Variants in IMMP2L observed in about 807,000 individuals in gnomAD.
IMMP2L encodes the protein inner mitochondrial membrane peptidase subunit 2.
IMMP2L carries 18 observed loss-of-function variants against 19.3 expected under a neutral mutation model. The ratio of observed to expected loss-of-function variants is 0.93; its 90% CI spans 0.64 to 1.38. IMMP2L has a LOEUF of 1.38. Among genes scored for constraint, IMMP2L ranks in the 40% most tolerant of loss-of-function variants. The probability of loss-of-function intolerance (pLI) is 0.00; values close to 1 mark genes in which losing one functional copy is unlikely to be tolerated. For synonymous variants in IMMP2L, 76 were observed against 73.0 expected, an observed-to-expected ratio of 1.04 and a Z score of -0.21; for missense variants, 233 against 218.2, an observed-to-expected ratio of 1.07 and a Z score of -0.43.
chr7:111,349,287 C>G (rs1244089199), intron 3 of IMMP2L, among the ~76,000 whole-genome samples: 1 of 151,888 alleles, frequency 6.6e-6, no homozygotes, highest in Non-Finnish European at 1.5e-5. Context: ...TATGAAGGAG[C>G]ACCTATGTTG....
At chr7:111,468,870 TG>T (rs1840937755) in intron 3 of IMMP2L, among the ~76,000 whole-genome samples, 1 of 152,080 alleles carries the variant, frequency 6.6e-6, no homozygotes, top group East Asian at 1.9e-4. Context: ...AACTTTGACT[TG>T]TGACTAAATA....
chr7:110,987,750 G>A (rs1822009027), intron 3 of IMMP2L, among the ~76,000 whole-genome samples: 1 of 152,092 alleles, frequency 6.6e-6, no homozygotes, highest in South Asian at 2.1e-4. Context: ...TATCTTTTTG[G>A]CCTAAAACCT....
At chr7:110,715,402 T>C (rs113955970) in intron 5 of IMMP2L, among the ~76,000 whole-genome samples, 1 of 152,338 alleles carries the variant, frequency 6.6e-6, no homozygotes, top group African/African-American at 2.4e-5. Flanking sequence ...AGGTAGGCAT[T>C]TAGTGCTATA....
chr7:111,029,597 T>C (rs1827193532), intron 3 of IMMP2L, among the ~76,000 whole-genome samples: 1 of 152,188 alleles, frequency 6.6e-6, no homozygotes, highest in Non-Finnish European at 1.5e-5. Flanking sequence ...ACCCTATCAA[T>C]GTCTACAGTC....
chr7:111,104,823 G>T (rs1798365277), intron 3 of IMMP2L, among the ~76,000 whole-genome samples: 2 of 151,662 alleles, frequency 1.3e-5, no homozygotes. Context: ...TTGGAAGCAG[G>T]GCAAAATCTA....
intron 4 of IMMP2L, among the ~76,000 whole-genome samples, chr7:110,953,237 T>C (rs532498769): frequency 5.3e-5 from 8 of 152,260 alleles, no homozygotes; most frequent in African/African-American, 1.2e-4. Context: ...TACATAGGTA[T>C]ATACATGCCA....
chr7:111,302,998 T>G (rs1043696100), intron 3 of IMMP2L, among the ~76,000 whole-genome samples: 2 of 152,128 alleles, frequency 1.3e-5, no homozygotes, highest in African/African-American at 4.8e-5. Flanking sequence ...AGACAGCACA[T>G]TACACTGCCA....
At chr7:110,743,975 C>T (rs1797158233) in intron 5 of IMMP2L, among the ~76,000 whole-genome samples, 1 of 152,150 alleles carries the variant, frequency 6.6e-6, no homozygotes, top group African/African-American at 2.4e-5. Flanking sequence ...CGTCGGAGCC[C>T]AGATGGAGCT....
chr7:111,412,249 G>C (rs1249033930), intron 3 of IMMP2L, among the ~76,000 whole-genome samples: 1 of 151,736 alleles, frequency 6.6e-6, no homozygotes, highest in Non-Finnish European at 1.5e-5. Flanking sequence ...GTAATTGACA[G>C]AACAAAGAGA....
chr7:111,187,948 G>A (rs1162140545), intron 3 of IMMP2L, among the ~76,000 whole-genome samples: 1 of 152,020 alleles, frequency 6.6e-6, no homozygotes, highest in Non-Finnish European at 1.5e-5. Flanking sequence ...CTTCCAAAAG[G>A]GAAAATGGAT....
At chr7:111,311,515 T>C (rs1350169918) in intron 3 of IMMP2L, among the ~76,000 whole-genome samples, 1 of 152,130 alleles carries the variant, frequency 6.6e-6, no homozygotes, top group African/African-American at 2.4e-5. Flanking sequence ...ATCATCCTGG[T>C]AAATGACTGA....
At chr7:111,420,079 G>C (rs898115276) in intron 3 of IMMP2L, among the ~76,000 whole-genome samples, 1 of 151,620 alleles carries the variant, frequency 6.6e-6, no homozygotes, top group Non-Finnish European at 1.5e-5. Context: ...GGTTAAAATG[G>C]TACATTACAT....
chr7:111,387,786 G>C (rs1040392701), intron 3 of IMMP2L, among the ~76,000 whole-genome samples: 1 of 151,652 alleles, frequency 6.6e-6, no homozygotes, highest in African/African-American at 2.4e-5. Context: ...GATCACCCTG[G>C]CCAACATGAT....
At chr7:111,299,327 AC>A (rs2129933831) in intron 3 of IMMP2L, among the ~76,000 whole-genome samples, 1 of 152,270 alleles carries the variant, frequency 6.6e-6, no homozygotes, top group South Asian at 2.1e-4. Flanking sequence ...CGGCCAGAAT[AC>A]CAAACAGTGG....
At chr7:111,335,458 GAAC>G (rs1169300444) in intron 3 of IMMP2L, among the ~76,000 whole-genome samples, 3 of 151,938 alleles carry the variant, frequency 2.0e-5, no homozygotes, top group South Asian at 2.1e-4. Flanking sequence ...ATATTATATA[GAAC>G]AACTCAAAAT....
chr7:111,545,661 G>C (rs1848863836), intron 1 of IMMP2L, among the ~76,000 whole-genome samples: 1 of 152,016 alleles, frequency 6.6e-6, no homozygotes. Flanking sequence ...ATATACTGTG[G>C]ATAGTAACCC....
chr7:111,293,367 TC>T (rs1041369200), intron 3 of IMMP2L, among the ~76,000 whole-genome samples: 1 of 151,886 alleles, frequency 6.6e-6, no homozygotes, highest in Non-Finnish European at 1.5e-5. Context: ...ACATATTATT[TC>T]AAATGAAAAA....
intron 5 of IMMP2L, among the ~76,000 whole-genome samples, chr7:110,817,993 C>T (rs1802686241): frequency 6.6e-6 from 1 of 151,990 alleles, no homozygotes; most frequent in Non-Finnish European, 1.5e-5. Flanking sequence ...CATGTTAGAC[C>T]TAAAACCATA....
intron 3 of IMMP2L, among the ~76,000 whole-genome samples, chr7:111,432,967 A>G (rs1001882735): frequency 4.0e-5 from 6 of 149,134 alleles, no homozygotes; most frequent in African/African-American, 1.5e-4. Flanking sequence ...AAAAAAAAGA[A>G]AAAAAAAAAC....
Sources: gnomAD v4.1 joint callset for allele counts (sites outside exome capture counted in the v4.1 genomes callset) on GRCh38, gnomAD v4.1.1 for gene constraint, MANE v1.5 for transcripts, NCBI Gene and HGNC (gene_info 2026-07-23, HGNC 2026-07-21) for gene names.